Variants in PSD3 observed in about 807,000 individuals in gnomAD.
PSD3 encodes the protein pleckstrin and Sec7 domain containing 3, also known as PH and SEC7 domain-containing protein 3.
In PSD3, 49 loss-of-function variants were observed where a neutral mutation model predicts 105.5. The ratio of observed to expected loss-of-function variants is 0.46; its 90% CI spans 0.37 to 0.59. The LOEUF is 0.59. Among genes scored for constraint, PSD3 ranks in the 20% least tolerant of loss-of-function variants. PSD3 has a pLI of 0.00. For missense variants in PSD3, 1,561 were observed against 1,263.8 expected (o/e 1.24, Z -3.57); for synonymous variants, 557 against 457.8 (o/e 1.22, Z -2.77).
intron 2 of PSD3, among the ~76,000 whole-genome samples, chr8:18,903,627 G>A (rs142793945): frequency 5.9e-5 from 9 of 152,134 alleles, no homozygotes; most frequent in African/African-American, 2.2e-4. Flanking sequence ...TGTCAGTTCA[G>A]CCCAGGGATG....
chr8:18,669,742 G>A (rs922068261), intron 9 of PSD3, among the ~76,000 whole-genome samples: 1 of 152,208 alleles, frequency 6.6e-6, no homozygotes, highest in African/African-American at 2.4e-5. Context: ...GCAGTTAAGT[G>A]AAACCATGAG....
intron 12 of PSD3, among the ~76,000 whole-genome samples, chr8:18,585,535 C>G (rs1208807794): frequency 6.6e-6 from 1 of 152,084 alleles, no homozygotes; most frequent in Non-Finnish European, 1.5e-5. Context: ...CCAGGCTGGT[C>G]TTGAACCCTT....
At chr8:19,012,867 T>C (rs953669947) in intron 1 of PSD3, among the ~76,000 whole-genome samples, 1 of 152,136 alleles carries the variant, frequency 6.6e-6, no homozygotes, top group Non-Finnish European at 1.5e-5. Context: ...GTCTAGAAAA[T>C]GAAATCGTGG....
intron 4 of PSD3, among the ~76,000 whole-genome samples, chr8:18,811,626 C>G (rs1176682101): frequency 6.6e-6 from 1 of 152,110 alleles, no homozygotes; most frequent in African/African-American, 2.4e-5. Context: ...GAGAAGGCAA[C>G]ATTTGAGCAA....
chr8:18,765,324 C>T, intron 9 of PSD3, 125 bp downstream of exon 9: 1 of 778,570 alleles, frequency 1.3e-6, no homozygotes. Flanking sequence ...TTAAAAGAAA[C>T]ATCACCAATA....
upstream of PSD3, among the ~76,000 whole-genome samples, chr8:19,014,908 G>A (rs1827127258): frequency 6.6e-6 from 1 of 152,154 alleles, no homozygotes; most frequent in Admixed American, 6.5e-5. This position sits in a 1 kb window ranked among gnomAD's most constrained non-coding sequence, Gnocchi z 4.9. Flanking sequence ...ATGAGGGAGT[G>A]TATGCCTTTA....
chr8:18,796,721 G>A (rs745531395), intron 8 of PSD3, among the ~76,000 whole-genome samples: 4 of 152,126 alleles, frequency 2.6e-5, no homozygotes, highest in Non-Finnish European at 5.9e-5. Context: ...AAGCATATGA[G>A]GACAAGCTGG....
At chr8:18,770,522 G>A (rs1807421301) in intron 8 of PSD3, among the ~76,000 whole-genome samples, 1 of 152,116 alleles carries the variant, frequency 6.6e-6, no homozygotes, top group Admixed American at 6.5e-5. Flanking sequence ...GAGCACTGGA[G>A]TCAGCCAACT....
rs1822063996 is a variant in PSD3 at position 18,935,594 on chromosome 8, G to A, written c.130+440C>T. On this transcript the variant is annotated intron_variant, in intron 2 of 15. Transcript: ENST00000327040. ...TGCCTGTAGTCCCAGCTAGTTGGGA[G>A]GCTGAGGCAGAAGGATCATTTGAGC... 2.0e-5 allele frequency among the ~76,000 whole-genome samples: 3 copies of A among 151,816 alleles called. No individual in the cohort carries two copies. In the South Asian group the frequency reaches 6.3e-4, roughly 32 times the overall value.
chr8:18,884,337 T>A (rs1341230127), intron 2 of PSD3, among the ~76,000 whole-genome samples: 1 of 152,160 alleles, frequency 6.6e-6, no homozygotes, highest in Non-Finnish European at 1.5e-5. Flanking sequence ...AAATTTGCAA[T>A]GCAATAGTAA....
chr8:18,957,800 T>A (rs561952958), intron 1 of PSD3, among the ~76,000 whole-genome samples: 1 of 152,142 alleles, frequency 6.6e-6, no homozygotes, highest in Admixed American at 6.5e-5. Context: ...AAGTTAATAA[T>A]GAATGCACTT....
chr8:18,693,594 C>T (rs936729498), intron 9 of PSD3, among the ~76,000 whole-genome samples: 8 of 152,138 alleles, frequency 5.3e-5, no homozygotes, highest in East Asian at 1.9e-4. Flanking sequence ...GACCTAAGCC[C>T]GGCCATATGA....
chr8:19,039,842 C>T (rs1385108140), intron 1 of PSD3, among the ~76,000 whole-genome samples: 2 of 152,308 alleles, frequency 1.3e-5, no homozygotes, highest in South Asian at 4.1e-4. Context: ...AAGTCCCCTC[C>T]ATCATGGGGC....
chr8:18,759,684 C>T (rs1806349449), intron 9 of PSD3, among the ~76,000 whole-genome samples: 1 of 152,072 alleles, frequency 6.6e-6, no homozygotes, highest in African/African-American at 2.4e-5. Context: ...CAATTGGGTT[C>T]ATGTCATATC....
intron 15 of PSD3, among the ~76,000 whole-genome samples, chr8:18,554,052 T>G (rs1800928981): frequency 6.6e-6 from 1 of 152,196 alleles, no homozygotes; most frequent in Non-Finnish European, 1.5e-5. Context: ...CTTGGTGGGT[T>G]ACATTTTCAG....
chr8:18,890,083 T>C (rs1381652135), intron 2 of PSD3, among the ~76,000 whole-genome samples: 2 of 152,196 alleles, frequency 1.3e-5, no homozygotes, highest in Admixed American at 6.6e-5. Context: ...CTGCATGATA[T>C]CGAGTTTTAT....
intron 4 of PSD3, among the ~76,000 whole-genome samples, chr8:18,843,558 CCTCTT>C: frequency 6.6e-6 from 1 of 152,296 alleles, no homozygotes; most frequent in Non-Finnish European, 1.5e-5. Flanking sequence ...AATGCGTTCT[CCTCTT>C]CTAATAACAG....
intron 2 of PSD3, among the ~76,000 whole-genome samples, chr8:18,910,724 G>C (rs1234015914): frequency 2.0e-5 from 3 of 151,042 alleles, no homozygotes; most frequent in East Asian, 3.9e-4. Flanking sequence ...AAAAGCTGTT[G>C]TGGTATGCCA....
chr8:18,601,888 G>T (rs191803191), intron 11 of PSD3, among the ~76,000 whole-genome samples: 2 of 152,190 alleles, frequency 1.3e-5, no homozygotes, highest in Non-Finnish European at 1.5e-5. Context: ...GCCTCAGGTG[G>T]CACAGTGTGC....
Sources: allele counts gnomAD v4.1 joint callset (sites outside exome capture counted in the v4.1 genomes callset), GRCh38; gene constraint gnomAD v4.1.1; non-coding constraint Gnocchi (gnomAD v3.1); transcripts MANE v1.5; gene names NCBI Gene and HGNC (gene_info 2026-07-23, HGNC 2026-07-21).